The following SIL1 variants were observed in gnomAD, a reference collection of about 807,000 sequenced individuals.
The protein encoded by SIL1 is SIL1 nucleotide exchange factor.
SIL1 carries 40 observed loss-of-function variants against 49.1 expected under a neutral mutation model. The observed-to-expected ratio is 0.81, with a 90% confidence interval of 0.63 to 1.06. The LOEUF is 1.06. Ranked by LOEUF, SIL1 falls within the 50% of genes least tolerant of loss-of-function variation. SIL1 has a pLI of 0.00. For synonymous variants in SIL1, 253 were observed against 250.8 expected (o/e 1.01, Z -0.08); for missense variants, 500 against 572.6 (o/e 0.87, Z 1.29).
intron 7 of SIL1, among the ~76,000 whole-genome samples, chr5:138,994,947 T>C (rs964792910): frequency 1.2e-4 from 18 of 152,210 alleles, no homozygotes; most frequent in African/African-American, 4.3e-4. Flanking sequence ...CACTTATAAG[T>C]GATAATATGT....
At chr5:139,095,323 G>T (rs1770434507) in intron 3 of SIL1, among the ~76,000 whole-genome samples, 1 of 150,008 alleles carries the variant, frequency 6.7e-6, no homozygotes, top group Non-Finnish European at 1.5e-5. Flanking sequence ...GAGTACGGTG[G>T]TGCGATCTCA....
intron 7 of SIL1, among the ~76,000 whole-genome samples, chr5:139,016,410 A>G (rs1302228025): frequency 6.6e-6 from 1 of 152,240 alleles, no homozygotes; most frequent in Non-Finnish European, 1.5e-5. Flanking sequence ...CTGGACTTAA[A>G]TGTAGACACT....
intron 1 of SIL1, among the ~76,000 whole-genome samples, chr5:139,149,394 G>T (rs1751255727): frequency 6.6e-6 from 1 of 152,160 alleles, no homozygotes; most frequent in Admixed American, 6.5e-5. Context: ...CATCCAAACA[G>T]AAGATTATTC....
intron 7 of SIL1, among the ~76,000 whole-genome samples, chr5:138,968,832 G>T (rs114407643): frequency 4.4e-4 from 67 of 152,280 alleles, no homozygotes; most frequent in African/African-American, 1.5e-3. Flanking sequence ...TAGGCACGTG[G>T]ATGGGTTGGG....
At chr5:138,981,146 G>A (rs1324265344) in intron 7 of SIL1, among the ~76,000 whole-genome samples, 2 of 151,486 alleles carry the variant, frequency 1.3e-5, no homozygotes, top group Non-Finnish European at 2.9e-5. Flanking sequence ...CCAGGTGGCG[G>A]AGGTTGCAGC....
At chr5:138,949,798 CA>C (rs5871689) in intron 9 of SIL1, among the ~76,000 whole-genome samples, 107 of 83,368 alleles carry the variant, frequency 1.3e-3, no homozygotes, top group East Asian at 1.7e-3. Flanking sequence ...GACCCTGTCT[CA>C]AAAAAAAAAA....
chr5:139,185,260 G>C (rs547377681), intron 1 of SIL1, among the ~76,000 whole-genome samples: 1 of 152,296 alleles, frequency 6.6e-6, no homozygotes, highest in Admixed American at 6.5e-5. Context: ...GTCCAAGGCT[G>C]GTTCCTGCCT....
At chr5:138,967,326 C>G (rs1206334576) in intron 7 of SIL1, among the ~76,000 whole-genome samples, 3 of 152,196 alleles carry the variant, frequency 2.0e-5, no homozygotes, top group Non-Finnish European at 4.4e-5. Flanking sequence ...GCCTGGCCAT[C>G]TGCATTTTAA....
Position 139,174,153 on chromosome 5 carries a change from G to T in SIL1, c.-11+24116C>A, listed in dbSNP as rs192452855. On this transcript the variant is annotated intron_variant, in intron 1 of 9. Transcript: ENST00000394817. ...TAGAAAAAAATCAACAAACCTAAAA[G>T]GTGGTTATGCAAAAAAGATCACCAA... Among the ~76,000 whole-genome samples, 4 of 152,102 alleles carry T rather than the reference G, an allele frequency of 2.6e-5. No individual in the cohort carries two copies. In the East Asian group the frequency reaches 7.7e-4, roughly 29 times the overall value.
intron 7 of SIL1, among the ~76,000 whole-genome samples, chr5:138,967,186 T>A (rs1291973458): frequency 1.3e-5 from 2 of 152,182 alleles, no homozygotes; most frequent in Admixed American, 6.5e-5. Context: ...AAGGAGGAAT[T>A]ACTCTAAAGC....
chr5:139,034,103 C>G (rs1768851380), intron 5 of SIL1, among the ~76,000 whole-genome samples: 1 of 152,060 alleles, frequency 6.6e-6, no homozygotes, highest in Non-Finnish European at 1.5e-5. Flanking sequence ...TTCCTTTAAT[C>G]TAAAGTCAAC....
chr5:139,048,369 G>GTTTTTT (rs35482601), intron 4 of SIL1, among the ~76,000 whole-genome samples: 4 of 87,772 alleles, frequency 4.6e-5, no homozygotes, highest in Non-Finnish European at 9.0e-5. Context: ...TTTGTTGTTG[G>GTTTTTT]TTTTTTTTTT....
chr5:139,002,434 A>G (rs1221469254), intron 7 of SIL1, among the ~76,000 whole-genome samples: 1 of 152,144 alleles, frequency 6.6e-6, no homozygotes, highest in Non-Finnish European at 1.5e-5. Context: ...CATATTTTTG[A>G]AATAATACAA....
chr5:139,090,871 G>T (rs1283642563), intron 3 of SIL1, among the ~76,000 whole-genome samples: 4 of 152,084 alleles, frequency 2.6e-5, no homozygotes, highest in African/African-American at 9.7e-5. Flanking sequence ...CTCCCAAAGG[G>T]CCGGGATTGT....
At chr5:139,172,076 A>G (rs533415950) in intron 1 of SIL1, among the ~76,000 whole-genome samples, 178 of 152,198 alleles carry the variant, frequency 1.2e-3, no homozygotes, top group Non-Finnish European at 2.1e-3. Flanking sequence ...AAGAAGCACA[A>G]AGACTGAAGA....
At chr5:139,003,846 T>C (rs941149009) in intron 7 of SIL1, among the ~76,000 whole-genome samples, 1 of 152,172 alleles carries the variant, frequency 6.6e-6, no homozygotes, top group African/African-American at 2.4e-5. Context: ...TTATACTCTT[T>C]CTAATAACCT....
rs56959325 is a variant in SIL1 at position 139,174,937 on chromosome 5, C to CAAAA, written c.-11+23328_-11+23331dup. Among the ~76,000 whole-genome samples, 483 of 59,830 alleles carry CAAAA rather than the reference C, an allele frequency of 8.1e-3. 13 individuals are homozygous for CAAAA. Among genetic ancestry groups the CAAAA allele is most frequent in the African/African-American group, 0.035 (443 of 12,554 alleles). 39.3% of individuals were successfully genotyped at this position (59,830 alleles called of 152,430 possible). Reference sequence around the variant, plus strand: ...TGGATGACAGAGTAAGACTGTGTCTCAAAAAAAAAAAAAAAAAAAAAAAGA... The same window carrying CAAAA: ...TGGATGACAGAGTAAGACTGTGTCTCAAAAAAAAAAAAAAAAAAAAAAAAAAAGA... On this transcript the variant is annotated intron_variant, in intron 1 of 9. Transcript: ENST00000394817.
chr5:139,183,674 T>C (rs1271317552), intron 1 of SIL1, among the ~76,000 whole-genome samples: 1 of 152,166 alleles, frequency 6.6e-6, no homozygotes. Flanking sequence ...AAGCGGATGA[T>C]TCACCCAGGT....
intron 3 of SIL1, among the ~76,000 whole-genome samples, chr5:139,088,260 C>A (rs1770268463): frequency 6.6e-6 from 1 of 152,218 alleles, no homozygotes; most frequent in Non-Finnish European, 1.5e-5. Context: ...ATTTCTCTGA[C>A]AAATAACAGT....
Sources: allele counts gnomAD v4.1 joint callset (sites outside exome capture counted in the v4.1 genomes callset), GRCh38; gene constraint gnomAD v4.1.1; transcripts MANE v1.5; gene names NCBI Gene and HGNC (gene_info 2026-07-23, HGNC 2026-07-21).